The following LPAR3 variants were observed in gnomAD, a reference collection of about 807,000 sequenced individuals.
LPAR3 encodes LPA receptor 3.
Under a neutral mutation model 17.8 loss-of-function variants are expected in LPAR3, and 7 were observed. That is an observed-to-expected ratio of 0.39 (90% confidence interval 0.22 to 0.74). The LOEUF (loss-of-function observed/expected upper bound fraction) is 0.74. Ranked by LOEUF, LPAR3 falls within the 30% of genes least tolerant of loss-of-function variation. The probability of loss-of-function intolerance (pLI) is 0.40; values close to 1 mark genes in which losing one functional copy is unlikely to be tolerated. For missense variants in LPAR3, 391 were observed against 453.4 expected (o/e 0.86, Z 1.25); for synonymous variants, 179 against 179.9 (o/e 0.99, Z 0.04).
chr1:84,879,830 A>G (rs1660330916), intron 1 of LPAR3, among the ~76,000 whole-genome samples: 2 of 152,188 alleles, frequency 1.3e-5, no homozygotes, highest in Admixed American at 1.3e-4. Context: ...CCCTACCTGT[A>G]AGTTGGAACA....
Position 84,812,292 on chromosome 1 carries a change from C to T in LPAR3, c.*1554G>A, listed in dbSNP as rs1159376500. On this transcript the variant is annotated 3_prime_UTR_variant, in exon 3 of 3. Transcript: ENST00000370611. Reference sequence around the variant, plus strand: ...TCTTGTACAGCACAACAGATCATTGCTACAGCTCTAGTCCTAGACTGGAAA... The same window carrying T: ...TCTTGTACAGCACAACAGATCATTGTTACAGCTCTAGTCCTAGACTGGAAA... The T allele has an allele frequency of 6.6e-6, 1 of 152,142 alleles. No homozygotes were observed. Among genetic ancestry groups the T allele is most frequent in the Non-Finnish European group, 1.5e-5 (1 of 68,040 alleles). The allele number at this position is 152,142 out of a possible 1,614,324, so 9.4% of individuals were successfully genotyped here.
chr1:84,812,248 T>C lies in LPAR3; in HGVS notation c.*1598A>G, dbSNP rs1019776766. 1.3e-5 allele frequency: 2 copies of C among 152,174 alleles called. No homozygotes were observed. Among genetic ancestry groups the C allele is most frequent in the Admixed American group, 6.5e-5 (1 of 15,284 alleles). 9.4% of individuals were successfully genotyped at this position (152,174 alleles called of 1,614,324 possible). On this transcript the variant is annotated 3_prime_UTR_variant, in exon 3 of 3. Coordinates refer to ENST00000370611, the MANE Select transcript of LPAR3 (RefSeq NM_012152.3). ...ATGTATAAAAACATCTGTTCTCAAA[T>C]GAACACCTCTTTCTCTTTTCTTGTA...
chr1:84,854,165 A>T (rs532404645), intron 2 of LPAR3, among the ~76,000 whole-genome samples: 2 of 152,202 alleles, frequency 1.3e-5, no homozygotes, highest in East Asian at 1.9e-4. Context: ...TTATTCCAGA[A>T]ATCAGTCTGC....
chr1:84,845,665 T>C (rs565511749), intron 2 of LPAR3, among the ~76,000 whole-genome samples: 1 of 152,272 alleles, frequency 6.6e-6, no homozygotes, highest in South Asian at 2.1e-4. Context: ...CTCAAACCTT[T>C]TTATGCACTC....
At chr1:84,853,165 C>T (rs1012261911) in intron 2 of LPAR3, among the ~76,000 whole-genome samples, 1 of 150,330 alleles carries the variant, frequency 6.7e-6, no homozygotes, top group African/African-American at 2.4e-5. Context: ...AGAGACAGAG[C>T]AGTAGTTAGA....
intron 2 of LPAR3, among the ~76,000 whole-genome samples, chr1:84,844,860 C>A (rs559789576): frequency 6.6e-6 from 1 of 152,288 alleles, no homozygotes; most frequent in South Asian, 2.1e-4. Flanking sequence ...TGCAAGCCAG[C>A]ATATTAACCT....
At chr1:84,880,954 A>G (rs981450591) in intron 1 of LPAR3, among the ~76,000 whole-genome samples, 1 of 152,202 alleles carries the variant, frequency 6.6e-6, no homozygotes, top group Non-Finnish European at 1.5e-5. Context: ...GGGAGGTCTT[A>G]ATAATTCCTG....
intron 2 of LPAR3, among the ~76,000 whole-genome samples, chr1:84,864,428 T>A (rs1235084376): frequency 6.6e-6 from 1 of 152,200 alleles, no homozygotes; most frequent in Non-Finnish European, 1.5e-5. Flanking sequence ...AATGGAACAC[T>A]AGGCATAAAT....
At chr1:84,880,566 G>T (rs1660345151) in intron 1 of LPAR3, among the ~76,000 whole-genome samples, 1 of 152,184 alleles carries the variant, frequency 6.6e-6, no homozygotes, top group Non-Finnish European at 1.5e-5. Context: ...AGTCCATGCT[G>T]CAGAGGACCT....
intron 2 of LPAR3, among the ~76,000 whole-genome samples, chr1:84,830,684 A>G (rs1297283441): frequency 6.6e-6 from 1 of 152,214 alleles, no homozygotes; most frequent in Non-Finnish European, 1.5e-5. Flanking sequence ...TTCAACTTTC[A>G]GAGAGGCAGC....
intron 1 of LPAR3, among the ~76,000 whole-genome samples, chr1:84,879,694 G>A (rs1420680917): frequency 6.6e-6 from 1 of 152,104 alleles, no homozygotes; most frequent in Non-Finnish European, 1.5e-5. Flanking sequence ...CCAGCCTCCT[G>A]GTACCTCCTT....
chr1:84,887,837 G>C (rs114903942), intron 1 of LPAR3, among the ~76,000 whole-genome samples: 1 of 152,240 alleles, frequency 6.6e-6, no homozygotes, highest in Non-Finnish European at 1.5e-5. Flanking sequence ...TTTAGGAACA[G>C]GGAAAGTCTG....
chr1:84,881,190 A>G (rs1282864984), intron 1 of LPAR3, among the ~76,000 whole-genome samples: 2 of 150,786 alleles, frequency 1.3e-5, no homozygotes, highest in Non-Finnish European at 3.0e-5. Context: ...GAAGGAAAGC[A>G]TGGCAGGTTG....
chr1:84,872,357 A>C (rs768885832), intron 1 of LPAR3, among the ~76,000 whole-genome samples: 9 of 152,158 alleles, frequency 5.9e-5, no homozygotes, highest in Non-Finnish European at 1.0e-4. Flanking sequence ...GAGAGGTATA[A>C]GGAGTGGGTT....
At chr1:84,847,266 G>A (rs1182607847) in intron 2 of LPAR3, among the ~76,000 whole-genome samples, 1 of 152,060 alleles carries the variant, frequency 6.6e-6, no homozygotes, top group Non-Finnish European at 1.5e-5. Flanking sequence ...TGAAATGTTT[G>A]TGCCTGGGGT....
chr1:84,851,690 C>G (rs1481742863), intron 2 of LPAR3, among the ~76,000 whole-genome samples: 1 of 152,194 alleles, frequency 6.6e-6, no homozygotes, highest in Non-Finnish European at 1.5e-5. Context: ...CTACAGAAAA[C>G]TTCGAGGAGC....
At chr1:84,864,211 CAAAAAAA>C (rs111255790) in intron 2 of LPAR3, among the ~76,000 whole-genome samples, 3 of 120,812 alleles carry the variant, frequency 2.5e-5, no homozygotes, top group African/African-American at 9.2e-5. Context: ...GGTCCTGTCT[CAAAAAAA>C]AAAAAACAAA....
At chr1:84,840,842 A>G (rs1248891587) in intron 2 of LPAR3, among the ~76,000 whole-genome samples, 2 of 152,258 alleles carry the variant, frequency 1.3e-5, no homozygotes, top group African/African-American at 4.8e-5. Flanking sequence ...TTGTAGTGTA[A>G]TTAAGTATTG....
chr1:84,873,004 G>A (rs1345259164), intron 1 of LPAR3, among the ~76,000 whole-genome samples: 3 of 152,000 alleles, frequency 2.0e-5, no homozygotes, highest in Non-Finnish European at 4.4e-5. Flanking sequence ...CAGCTAAATC[G>A]CAGTTGGGGA....
Sources: allele counts gnomAD v4.1 joint callset (sites outside exome capture counted in the v4.1 genomes callset), GRCh38; gene constraint gnomAD v4.1.1; transcripts MANE v1.5; gene names NCBI Gene and HGNC (gene_info 2026-07-23, HGNC 2026-07-21).